The following MARK1 variants were observed in gnomAD, a reference collection of about 807,000 sequenced individuals.
MARK1 encodes the protein serine/threonine-protein kinase MARK1.
In MARK1, 40 loss-of-function variants were observed where a neutral mutation model predicts 96.3. The ratio of observed to expected loss-of-function variants is 0.42; its 90% confidence interval spans 0.32 to 0.54. The LOEUF is 0.54. MARK1 is among the 20% of genes least tolerant of loss of function. The pLI, the probability that MARK1 is intolerant of heterozygous loss-of-function variation, is 0.16. For synonymous variants in MARK1, 317 were observed against 341.2 expected, an observed-to-expected ratio of 0.93 and a Z score of 0.78; for missense variants, 719 against 984.6, an observed-to-expected ratio of 0.73 and a Z score of 3.61.
At chr1:220,609,367 G>A in intron 6 of MARK1, among the ~76,000 whole-genome samples, 1 of 152,138 alleles carries the variant, frequency 6.6e-6, no homozygotes. Flanking sequence ...TCAGAGACTA[G>A]GATTGCAACC....
intron 1 of MARK1, among the ~76,000 whole-genome samples, chr1:220,565,381 G>A (rs183836389): frequency 6.6e-6 from 1 of 152,260 alleles, no homozygotes; most frequent in Admixed American, 6.5e-5. Flanking sequence ...GTAATATCCA[G>A]AGAATACTAC....
At chr1:220,538,290 A>G (rs1322652703) in intron 1 of MARK1, among the ~76,000 whole-genome samples, 1 of 152,056 alleles carries the variant, frequency 6.6e-6, no homozygotes, top group Non-Finnish European at 1.5e-5. Flanking sequence ...TCAGCTTTCT[A>G]CATATGGCTA....
At chr1:220,616,134 A>G in intron 7 of MARK1, 139 bp downstream of exon 7, 1 of 384,798 alleles carries the variant, frequency 2.6e-6, no homozygotes, top group Non-Finnish European at 4.6e-6. Flanking sequence ...TGATTCTCAC[A>G]GCAACTTTAT....
chr1:220,557,337 G>T (rs141908525), intron 1 of MARK1, among the ~76,000 whole-genome samples: 2,016 of 152,240 alleles, frequency 0.013, 44 homozygotes, highest in African/African-American at 0.046. Context: ...CACTTTGGGA[G>T]GCCAAGGCGG....
In MARK1 at chr1:220,536,552, C is replaced by CCT. The variant is rs368259099; in HGVS notation, c.51+7688_51+7689dup. Among the ~76,000 whole-genome samples, 1,306 of 151,844 alleles carry CCT rather than the reference C, an allele frequency of 8.6e-3. 10 individuals carry two copies. Among genetic ancestry groups the CCT allele is most frequent in the Middle Eastern group, 0.024 (7 of 294 alleles). ...GTGAACTAGCATTTATTTAACCAGT[C>CCT]CTCTCTCTCTTTTTTTTTTTTGAGA... On this transcript the variant is annotated intron_variant, in intron 1 of 17. Coordinates refer to ENST00000366917, the MANE Select transcript of MARK1 (RefSeq NM_018650.5).
At chr1:220,532,704 G>C (rs1163440163) in intron 1 of MARK1, among the ~76,000 whole-genome samples, 1 of 151,740 alleles carries the variant, frequency 6.6e-6, no homozygotes, top group African/African-American at 2.4e-5. Context: ...GTTTTCTTTT[G>C]TTTTGTTTGT....
intron 3 of MARK1, among the ~76,000 whole-genome samples, chr1:220,591,970 T>C (rs1665015294): frequency 6.6e-6 from 1 of 152,032 alleles, no homozygotes; most frequent in South Asian, 2.1e-4. Context: ...TGGACAGCAG[T>C]CTAGCAGCTT....
At chr1:220,653,503 A>G (rs1218866853) in intron 16 of MARK1, 151 bp downstream of exon 16, 10 of 779,980 alleles carry the variant, frequency 1.3e-5, no homozygotes, top group African/African-American at 1.8e-5. Context: ...AAAAAAATCT[A>G]GGAAGACATA....
intron 1 of MARK1, among the ~76,000 whole-genome samples, chr1:220,546,768 T>A (rs923377637): frequency 6.6e-6 from 1 of 151,378 alleles, no homozygotes; most frequent in Non-Finnish European, 1.5e-5. Context: ...AGTTCAGGAG[T>A]TCCAGACCAG....
chr1:220,531,085 TTTATAGGTG>T (rs1288536156), intron 1 of MARK1, among the ~76,000 whole-genome samples: 2 of 152,084 alleles, frequency 1.3e-5, no homozygotes, highest in Admixed American at 1.3e-4. Context: ...GCTAAATTGG[TTTATAGGTG>T]TTATAGGTGT....
intron 1 of MARK1, among the ~76,000 whole-genome samples, chr1:220,576,915 C>T (rs1159591082): frequency 6.6e-6 from 1 of 152,122 alleles, no homozygotes; most frequent in Admixed American, 6.6e-5. Flanking sequence ...ATAATCATCT[C>T]TGTGAAAAGA....
chr1:220,613,504 A>T (rs1010739735), intron 6 of MARK1, among the ~76,000 whole-genome samples: 9 of 152,244 alleles, frequency 5.9e-5, no homozygotes, highest in African/African-American at 2.2e-4. Context: ...CCAAATTATT[A>T]TCTGTTGCAT....
At chr1:220,612,475 ATT>A (rs1019157000) in intron 6 of MARK1, among the ~76,000 whole-genome samples, 5 of 152,068 alleles carry the variant, frequency 3.3e-5, no homozygotes, top group African/African-American at 4.8e-5. Context: ...AATGGCAAAT[ATT>A]TTCTTTATAA....
chr1:220,557,408 G>A (rs150634565), intron 1 of MARK1, among the ~76,000 whole-genome samples: 2,355 of 151,946 alleles, frequency 0.015, 33 homozygotes, highest in Middle Eastern at 0.044. Context: ...CTCTGTTAAA[G>A]TAGAGCTGGA....
intron 1 of MARK1, among the ~76,000 whole-genome samples, chr1:220,563,987 T>C (rs1057022119): frequency 1.3e-5 from 2 of 152,210 alleles, no homozygotes; most frequent in Admixed American, 1.3e-4. Context: ...TATTTCATTG[T>C]AAATCAGTAC....
chr1:220,551,979 C>T (rs1661895301), intron 1 of MARK1, among the ~76,000 whole-genome samples: 1 of 152,196 alleles, frequency 6.6e-6, no homozygotes, highest in South Asian at 2.1e-4. Context: ...TGCAGTTTTC[C>T]ATTGCCTTAT....
At chr1:220,579,618 T>C (rs1664096677) in intron 2 of MARK1, 61 bp downstream of exon 2, 1 of 1,349,778 alleles carries the variant, frequency 7.4e-7, no homozygotes, top group African/African-American at 1.4e-5. Context: ...TGTTAAAGCT[T>C]CCTTATAGCC....
chr1:220,562,431 C>T (rs1271588574), intron 1 of MARK1, among the ~76,000 whole-genome samples: 4 of 152,184 alleles, frequency 2.6e-5, no homozygotes, highest in Non-Finnish European at 4.4e-5. Flanking sequence ...GATAGCGCCA[C>T]TGCACTCCAG....
At position 220,635,359 on chromosome 1, in the gene MARK1, G is replaced by A; in HGVS notation, c.1123-17G>A. ...TTTTTTTTTGCTTTAAAATCCCTGT[G>A]GTTTTTCTTCTTATAGTTTGAAGGT... On this transcript the variant is annotated splice_polypyrimidine_tract_variant and intron_variant, in intron 11 of 17. Coordinates refer to ENST00000366917, the MANE Select transcript of MARK1 (RefSeq NM_018650.5). 1 of 1,529,440 alleles carries A rather than the reference G, an allele frequency of 6.5e-7. No individual in the cohort carries two copies. The highest frequency in any genetic ancestry group is 8.7e-7 in the Non-Finnish European group (1 of 1,144,000). The allele number at this position is 1,529,440 out of a possible 1,614,324, so 94.7% of individuals were successfully genotyped here.
Sources: gnomAD v4.1 joint callset for allele counts (sites outside exome capture counted in the v4.1 genomes callset) on GRCh38, gnomAD v4.1.1 for gene constraint, MANE v1.5 for transcripts, NCBI Gene and HGNC (gene_info 2026-07-23, HGNC 2026-07-21) for gene names.